The following NUMB variants were observed in gnomAD, a reference collection of about 807,000 sequenced individuals.
NUMB encodes the protein NUMB endocytic adaptor protein, also known as protein numb homolog.
A neutral mutation model predicts 59.7 loss-of-function variants in NUMB; 29 were observed. The observed-to-expected ratio is 0.49, with a 90% CI of 0.36 to 0.66. The LOEUF is 0.66. Ranked by LOEUF, NUMB falls within the 30% of genes least tolerant of loss-of-function variation. The pLI, the probability that NUMB is intolerant of heterozygous loss-of-function variation, is 0.00. For missense variants in NUMB, 723 were observed against 822.0 expected, an observed-to-expected ratio of 0.88 and a Z score of 1.47; for synonymous variants, 288 against 288.2, an observed-to-expected ratio of 1.00 and a Z score of 0.01.
At chr14:73,438,630 C>CAAA (rs35633693) in intron 1 of NUMB, among the ~76,000 whole-genome samples, 13 of 66,600 alleles carry the variant, frequency 2.0e-4, no homozygotes, top group Non-Finnish European at 2.5e-4. Context: ...GACTCTGCCT[C>CAAA]AAAAAAAAAA....
At chr14:73,307,728 C>CTTTTTT (rs34429117) in intron 6 of NUMB, among the ~76,000 whole-genome samples, 17 of 95,508 alleles carry the variant, frequency 1.8e-4, no homozygotes, top group Non-Finnish European at 2.3e-4. Flanking sequence ...GGGCCTCTGT[C>CTTTTTT]TTTTTTTTTT....
intron 4 of NUMB, among the ~76,000 whole-genome samples, chr14:73,338,756 A>G (rs1892483838): frequency 6.6e-6 from 1 of 152,200 alleles, no homozygotes. Flanking sequence ...ATTCCTGGGT[A>G]GCAGATGAGG....
intron 2 of NUMB, among the ~76,000 whole-genome samples, chr14:73,385,202 C>T (rs1594973601): frequency 2.0e-5 from 3 of 151,488 alleles, no homozygotes; most frequent in South Asian, 2.1e-4. Context: ...CTCACTTGGT[C>T]GCCCAAGCTG....
At chr14:73,283,743 G>A (rs1413291878) in intron 10 of NUMB, among the ~76,000 whole-genome samples, 1 of 152,236 alleles carries the variant, frequency 6.6e-6, no homozygotes, top group African/African-American at 2.4e-5. Flanking sequence ...GGGTCCCAAT[G>A]GCAGAATAAG....
chr14:73,409,601 A>C (rs1449192792), intron 2 of NUMB: 1 of 152,266 alleles, frequency 6.6e-6, no homozygotes, highest in Non-Finnish European at 1.5e-5. Context: ...TATATGAACA[A>C]AATAAATGAC....
At chr14:73,376,470 G>A (rs1455012154) in intron 2 of NUMB, among the ~76,000 whole-genome samples, 2 of 151,496 alleles carry the variant, frequency 1.3e-5, no homozygotes, top group Non-Finnish European at 1.5e-5. Flanking sequence ...TCCCAACTTG[G>A]TCAAAATCCC....
At chr14:73,417,123 T>G (rs1897160729) in intron 1 of NUMB, among the ~76,000 whole-genome samples, 1 of 151,826 alleles carries the variant, frequency 6.6e-6, no homozygotes, top group Admixed American at 6.6e-5. Flanking sequence ...CTTTCCAGCT[T>G]CCCCATCATC....
chr14:73,394,405 T>TTAA (rs778391391), intron 2 of NUMB, among the ~76,000 whole-genome samples: 1 of 137,422 alleles, frequency 7.3e-6, no homozygotes, highest in African/African-American at 2.7e-5. Context: ...CAGTTTTCTT[T>TTAA]AAAAAAAAAA....
chr14:73,424,400 T>C (rs577040089), intron 1 of NUMB, among the ~76,000 whole-genome samples: 3 of 152,220 alleles, frequency 2.0e-5, no homozygotes, highest in Admixed American at 6.5e-5. Context: ...ACCTTTGCAT[T>C]TGGGGACAAA....
chr14:73,432,656 A>G (rs1166803603), intron 1 of NUMB, among the ~76,000 whole-genome samples: 1 of 152,158 alleles, frequency 6.6e-6, no homozygotes, highest in Non-Finnish European at 1.5e-5. Context: ...ATACATATAT[A>G]AAGAGCTTCT....
chr14:73,412,483 T>C (rs1245732477), intron 1 of NUMB, among the ~76,000 whole-genome samples: 2 of 151,812 alleles, frequency 1.3e-5, no homozygotes, highest in Non-Finnish European at 2.9e-5. Context: ...CAAAATTAAC[T>C]GGGCATGGTG....
intron 2 of NUMB, among the ~76,000 whole-genome samples, chr14:73,371,445 G>A (rs973683582): frequency 6.6e-6 from 1 of 151,760 alleles, no homozygotes; most frequent in Non-Finnish European, 1.5e-5. Context: ...TGAGGCAGAG[G>A]AATCACTTAA....
At chr14:73,339,667 C>T (rs1214624169) in intron 4 of NUMB, among the ~76,000 whole-genome samples, 2 of 152,174 alleles carry the variant, frequency 1.3e-5, no homozygotes, top group Non-Finnish European at 2.9e-5. Flanking sequence ...GTTGGGATTA[C>T]AAGCGTGAGC....
intron 4 of NUMB, among the ~76,000 whole-genome samples, chr14:73,327,099 T>TA (rs1381408614): frequency 2.0e-5 from 3 of 151,920 alleles, no homozygotes; most frequent in Non-Finnish European, 2.9e-5. Context: ...TTTTTAAAAA[T>TA]AAGAGTCCTT....
intron 1 of NUMB, among the ~76,000 whole-genome samples, chr14:73,421,242 T>C (rs887040596): frequency 1.3e-5 from 2 of 152,230 alleles, no homozygotes; most frequent in South Asian, 2.1e-4. Context: ...TGGAGTGCAG[T>C]GGTGCAATCT....
At chr14:73,348,216 G>C (rs954968062) in intron 4 of NUMB, among the ~76,000 whole-genome samples, 1 of 152,146 alleles carries the variant, frequency 6.6e-6, no homozygotes, top group Non-Finnish European at 1.5e-5. Context: ...TCCAAATTCT[G>C]ATTCTCCTAT....
Position 73,276,307 on chromosome 14 carries a change from A to C in NUMB, c.*271T>G, listed in dbSNP as rs1888149600. The C allele has an allele frequency of 5.5e-6, 2 of 363,708 alleles. No homozygotes were observed. The highest frequency in any genetic ancestry group is 1.0e-5 in the Non-Finnish European group (2 of 200,034). The allele number at this position is 363,708 out of a possible 1,614,324, so 22.5% of individuals were successfully genotyped here. A position where few individuals can be genotyped will look rare whatever the true frequency, so the allele number is the denominator to read the frequency against. Reference sequence around the variant, plus strand: ...ATACTTTGCCTCTCTGTTGCCAGAGATTTGTAAGGGGGTAAGGGAAGAGGG... The same window carrying C: ...ATACTTTGCCTCTCTGTTGCCAGAGCTTTGTAAGGGGGTAAGGGAAGAGGG... On this transcript the variant is annotated 3_prime_UTR_variant, in exon 13 of 13. Transcript: ENST00000555238.
At chr14:73,360,153 C>A (rs948720647) in intron 3 of NUMB, among the ~76,000 whole-genome samples, 1 of 152,256 alleles carries the variant, frequency 6.6e-6, no homozygotes, top group African/African-American at 2.4e-5. Context: ...AAAATCCAAA[C>A]TCTCACTATT....
intron 5 of NUMB, among the ~76,000 whole-genome samples, chr14:73,318,494 G>C (rs975497958): frequency 6.6e-6 from 1 of 152,198 alleles, no homozygotes; most frequent in African/African-American, 2.4e-5. Flanking sequence ...GACAGAGGGA[G>C]AGACATTTAA....
Sources: gnomAD v4.1 joint callset for allele counts (sites outside exome capture counted in the v4.1 genomes callset) on GRCh38, gnomAD v4.1.1 for gene constraint, MANE v1.5 for transcripts, NCBI Gene and HGNC (gene_info 2026-07-23, HGNC 2026-07-21) for gene names.